Variants in PPP3CA observed in about 807,000 individuals in gnomAD.
The protein encoded by PPP3CA is protein phosphatase 3 catalytic subunit alpha, also known as CAM-PRP catalytic subunit.
In PPP3CA, 14 loss-of-function variants were observed where a neutral mutation model predicts 66.5. That is an observed-to-expected ratio of 0.21 (90% CI 0.14 to 0.33). The LOEUF is 0.33. Among genes scored for constraint, PPP3CA ranks in the 10% least tolerant of loss-of-function variants. The pLI is 1.00. For synonymous variants in PPP3CA, 232 were observed against 226.2 expected, an observed-to-expected ratio of 1.03 and a Z score of -0.23; for missense variants, 317 against 639.5, an observed-to-expected ratio of 0.50 and a Z score of 5.44.
At chr4:101,337,954 A>T (rs1273141556) in intron 1 of PPP3CA, among the ~76,000 whole-genome samples, 1 of 152,218 alleles carries the variant, frequency 6.6e-6, no homozygotes, top group Non-Finnish European at 1.5e-5. Flanking sequence ...ATTGGTATAT[A>T]CACAGTAAGT....
At chr4:101,255,034 T>TAAA (rs1726795407) in intron 1 of PPP3CA, among the ~76,000 whole-genome samples, 1 of 84,722 alleles carries the variant, frequency 1.2e-5, no homozygotes. Context: ...GAGTCCCGTC[T>TAAA]CAAAAAAAAA....
intron 2 of PPP3CA, among the ~76,000 whole-genome samples, chr4:101,149,597 A>G (rs1457452414): frequency 6.6e-6 from 1 of 152,132 alleles, no homozygotes; most frequent in African/African-American, 2.4e-5. Context: ...AAAATCCAAC[A>G]TTAAGTCTCT....
At chr4:101,190,014 A>G (rs1260813617) in intron 2 of PPP3CA, among the ~76,000 whole-genome samples, 1 of 152,084 alleles carries the variant, frequency 6.6e-6, no homozygotes, top group Non-Finnish European at 1.5e-5. Flanking sequence ...TGGAATATGG[A>G]TAAGATTGGA....
intron 11 of PPP3CA, among the ~76,000 whole-genome samples, chr4:101,036,942 C>T (rs1484670298): frequency 6.6e-6 from 1 of 152,152 alleles, no homozygotes; most frequent in South Asian, 2.1e-4. Flanking sequence ...CTCTTGTAGC[C>T]TCTCATATAG....
chr4:101,089,587 T>C (rs1250550193), intron 6 of PPP3CA, among the ~76,000 whole-genome samples: 3 of 152,196 alleles, frequency 2.0e-5, no homozygotes, highest in Non-Finnish European at 4.4e-5. Flanking sequence ...ACAAAGCTTA[T>C]ATGATTCATC....
chr4:101,249,863 C>G (rs1469930287), intron 1 of PPP3CA, among the ~76,000 whole-genome samples: 1 of 152,034 alleles, frequency 6.6e-6, no homozygotes, highest in Non-Finnish European at 1.5e-5. Flanking sequence ...ATTTTGAAGA[C>G]AGTTCCCTCA....
intron 1 of PPP3CA, among the ~76,000 whole-genome samples, chr4:101,285,823 C>A (rs1469054446): frequency 1.3e-5 from 2 of 152,054 alleles, no homozygotes; most frequent in East Asian, 1.9e-4. Context: ...CAAAGCCGGT[C>A]CAGGGAACAC....
intron 1 of PPP3CA, among the ~76,000 whole-genome samples, chr4:101,211,567 T>G (rs1725299297): frequency 6.6e-6 from 1 of 152,182 alleles, no homozygotes; most frequent in Non-Finnish European, 1.5e-5. Context: ...ACTGGTTCAG[T>G]ATTCAGCTTG....
At chr4:101,238,893 T>C (rs1196698847) in intron 1 of PPP3CA, among the ~76,000 whole-genome samples, 3 of 152,110 alleles carry the variant, frequency 2.0e-5, no homozygotes, top group East Asian at 1.9e-4. Flanking sequence ...TACTGGCACT[T>C]TGATGACTCA....
At chr4:101,276,843 T>C (rs1022391753) in intron 1 of PPP3CA, among the ~76,000 whole-genome samples, 2 of 152,164 alleles carry the variant, frequency 1.3e-5, no homozygotes, top group African/African-American at 4.8e-5. Flanking sequence ...TGTATATTTG[T>C]TGAAATTAAT....
At chr4:101,066,085 A>G (rs1294097750) in intron 8 of PPP3CA, among the ~76,000 whole-genome samples, 1 of 152,136 alleles carries the variant, frequency 6.6e-6, no homozygotes, top group African/African-American at 2.4e-5. Flanking sequence ...ATAAGCAAAC[A>G]GAGAGGTTAT....
intron 1 of PPP3CA, among the ~76,000 whole-genome samples, chr4:101,318,750 C>T (rs1228265581): frequency 1.3e-5 from 2 of 152,080 alleles, no homozygotes; most frequent in Non-Finnish European, 2.9e-5. Context: ...GGTCCAAAAC[C>T]TTATGCTTGA....
At position 101,025,744 on chromosome 4, in the gene PPP3CA, A is replaced by C; in HGVS notation, c.*121T>G. On this transcript the variant is annotated 3_prime_UTR_variant, in exon 14 of 14. Transcript: ENST00000394854. Reference sequence around the variant, plus strand: ...AAACTGAATCCAATTCCTGGCCCCCAGAGCAAATAAGCTACTGTCAGAGGC... The same window carrying C: ...AAACTGAATCCAATTCCTGGCCCCCCGAGCAAATAAGCTACTGTCAGAGGC... 1 of 740,942 alleles carries C rather than the reference A, an allele frequency of 1.3e-6. No homozygotes were observed. Among genetic ancestry groups the C allele is most frequent in the Non-Finnish European group, 2.1e-6 (1 of 481,492 alleles). The allele number at this position is 740,942 out of a possible 1,614,324, so 45.9% of individuals were successfully genotyped here.
chr4:101,200,968 T>A (rs1296228107), intron 1 of PPP3CA, among the ~76,000 whole-genome samples: 1 of 152,202 alleles, frequency 6.6e-6, no homozygotes, highest in Non-Finnish European at 1.5e-5. Context: ...AAATAGCTAC[T>A]CCAAACTGAG....
At chr4:101,054,213 T>C (rs1307362005) in intron 10 of PPP3CA, among the ~76,000 whole-genome samples, 3 of 151,988 alleles carry the variant, frequency 2.0e-5, no homozygotes, top group South Asian at 2.1e-4. Flanking sequence ...AGCTGAAATA[T>C]AGGATGCTAA....
intron 1 of PPP3CA, among the ~76,000 whole-genome samples, chr4:101,210,986 T>C (rs934826958): frequency 2.0e-5 from 3 of 152,212 alleles, no homozygotes; most frequent in African/African-American, 7.2e-5. Context: ...AGTAAATATA[T>C]ACATATAAAT....
At chr4:101,320,285 C>G (rs1167473910) in intron 1 of PPP3CA, among the ~76,000 whole-genome samples, 2 of 151,862 alleles carry the variant, frequency 1.3e-5, no homozygotes, top group African/African-American at 2.4e-5. Flanking sequence ...GAGGCATTCC[C>G]TATAAGCTGC....
At chr4:101,147,204 T>C (rs1722998103) in intron 2 of PPP3CA, among the ~76,000 whole-genome samples, 1 of 152,202 alleles carries the variant, frequency 6.6e-6, no homozygotes, top group East Asian at 1.9e-4. Context: ...CAAAAATTGA[T>C]AAAATGATGG....
At chr4:101,038,101 G>C (rs1480499987) in intron 11 of PPP3CA, among the ~76,000 whole-genome samples, 1 of 152,122 alleles carries the variant, frequency 6.6e-6, no homozygotes, top group East Asian at 1.9e-4. Context: ...GCATAACATG[G>C]GGCATGAACC....
Sources: allele counts gnomAD v4.1 joint callset (sites outside exome capture counted in the v4.1 genomes callset), GRCh38; gene constraint gnomAD v4.1.1; transcripts MANE v1.5; gene names NCBI Gene and HGNC (gene_info 2026-07-23, HGNC 2026-07-21).